HPSE2: variants seen among roughly 807,000 people sequenced by gnomAD.
HPSE2 encodes heparanase 2 (inactive).
A neutral mutation model predicts 60.5 loss-of-function variants in HPSE2; 38 were observed. The observed-to-expected ratio is 0.63, with a 90% confidence interval of 0.48 to 0.82. The LOEUF (loss-of-function observed/expected upper bound fraction) is 0.82. Among genes scored for constraint, HPSE2 ranks in the 40% least tolerant of loss-of-function variants. The probability of loss-of-function intolerance (pLI) is 0.00; values close to 1 mark genes in which losing one functional copy is unlikely to be tolerated. For synonymous variants in HPSE2, 295 were observed against 293.2 expected (o/e 1.01, Z -0.06); for missense variants, 713 against 740.4 (o/e 0.96, Z 0.43).
chr10:99,100,134 T>A (rs1159631369), intron 3 of HPSE2, among the ~76,000 whole-genome samples: 2 of 152,148 alleles, frequency 1.3e-5, no homozygotes, highest in Admixed American at 6.5e-5. Flanking sequence ...GGAACAAAGC[T>A]GGGTGGAGAA....
chr10:99,128,155 T>C (rs957142805), intron 3 of HPSE2, among the ~76,000 whole-genome samples: 4 of 152,304 alleles, frequency 2.6e-5, no homozygotes, highest in Non-Finnish European at 5.9e-5. Context: ...TCAATACTAA[T>C]GTTGAATGTA....
chr10:98,664,764 C>G (rs1947319100), intron 6 of HPSE2, among the ~76,000 whole-genome samples: 1 of 152,132 alleles, frequency 6.6e-6, no homozygotes, highest in South Asian at 2.1e-4. Context: ...AGCCTTTGCC[C>G]TCTGAAAGCA....
intron 2 of HPSE2, among the ~76,000 whole-genome samples, chr10:99,170,786 G>C (rs2796756): frequency 6.6e-6 from 1 of 152,092 alleles, no homozygotes; most frequent in Non-Finnish European, 1.5e-5. Context: ...TAAAAGGACT[G>C]AGTACAGTCC....
chr10:98,466,414 C>G (rs1940532744), intron 11 of HPSE2, among the ~76,000 whole-genome samples: 1 of 152,006 alleles, frequency 6.6e-6, no homozygotes, highest in Non-Finnish European at 1.5e-5. Flanking sequence ...GAGTTCGAGA[C>G]CAGCCTGGTC....
intron 3 of HPSE2, among the ~76,000 whole-genome samples, chr10:99,040,920 AC>A (rs1245938540): frequency 6.6e-6 from 1 of 151,894 alleles, no homozygotes; most frequent in Non-Finnish European, 1.5e-5. Context: ...CCCTGTCTCT[AC>A]GAAAAATACA....
the HPSE2 span, among the ~76,000 whole-genome samples, chr10:99,295,081 T>C: frequency 0.85 from 129,819 of 151,854 alleles, 55,841 homozygotes; most frequent in African/African-American, 0.92. Flanking sequence ...GAAATGAATT[T>C]AAGCTAAATA....
At chr10:98,929,217 T>C (rs1045241405) in intron 3 of HPSE2, among the ~76,000 whole-genome samples, 2 of 143,048 alleles carry the variant, frequency 1.4e-5, no homozygotes, top group Non-Finnish European at 3.0e-5. Flanking sequence ...ACTGTCAATA[T>C]GCCAGGCAAA....
At chr10:99,232,276 C>T (rs1363317143) in intron 2 of HPSE2, 72 bp downstream of exon 2, 1 of 1,492,388 alleles carries the variant, frequency 6.7e-7, no homozygotes, top group African/African-American at 1.4e-5. Flanking sequence ...GACACACGAA[C>T]ACACAGATAC....
At position 98,839,454 on chromosome 10, in the gene HPSE2, A is replaced by G. The variant is rs76669921; in HGVS notation, c.611-95398T>C. ...ATTCATCATTCATTCACTAAGTACA[A>G]GAGAACATCAACAATGTTTAAGACA... On this transcript the variant is annotated intron_variant, in intron 3 of 11. Transcript: ENST00000370552. Among the ~76,000 whole-genome samples the G allele has an allele frequency of 2.2e-4, 34 of 152,352 alleles. No individual in the cohort carries two copies. In the East Asian group the frequency reaches 6.0e-3, roughly 27 times the overall value.
At chr10:99,303,464 C>T in the HPSE2 span, among the ~76,000 whole-genome samples, 2 of 152,214 alleles carry the variant, frequency 1.3e-5, no homozygotes, top group East Asian at 3.9e-4. Flanking sequence ...AATAATTAAC[C>T]TCCCTGTTCG....
At chr10:98,965,966 C>A (rs1955804421) in intron 3 of HPSE2, among the ~76,000 whole-genome samples, 1 of 152,056 alleles carries the variant, frequency 6.6e-6, no homozygotes, top group Non-Finnish European at 1.5e-5. Context: ...TCTGGGCTCA[C>A]TGCAACCTCC....
At chr10:98,803,133 T>C (rs28887863) in intron 3 of HPSE2, among the ~76,000 whole-genome samples, 15 of 152,010 alleles carry the variant, frequency 9.9e-5, no homozygotes, top group Middle Eastern at 3.4e-3. Context: ...TGAGAAGTGT[T>C]TGTTCATGTC....
At chr10:99,140,701 G>A (rs1489540121) in intron 3 of HPSE2, among the ~76,000 whole-genome samples, 1 of 152,098 alleles carries the variant, frequency 6.6e-6, no homozygotes, top group Admixed American at 6.6e-5. Context: ...AACTGAATTC[G>A]AACCCATAAA....
intron 3 of HPSE2, among the ~76,000 whole-genome samples, chr10:98,757,201 A>G (rs1179296181): frequency 6.6e-6 from 1 of 152,196 alleles, no homozygotes; most frequent in Admixed American, 6.5e-5. Context: ...AGAGCCATCT[A>G]TGGCAAACCC....
At chr10:98,483,846 C>T (rs1444494044) in intron 10 of HPSE2, among the ~76,000 whole-genome samples, 14 of 152,142 alleles carry the variant, frequency 9.2e-5, no homozygotes, top group Admixed American at 1.3e-4. Flanking sequence ...TATTGAAAGC[C>T]TTGGAGATTT....
intron 6 of HPSE2, among the ~76,000 whole-genome samples, chr10:98,686,842 A>G (rs1349138448): frequency 1.3e-5 from 2 of 152,112 alleles, no homozygotes. Context: ...TTTACAGTTG[A>G]GCATATGGTC....
At chr10:99,072,688 G>C (rs1842831648) in intron 3 of HPSE2, among the ~76,000 whole-genome samples, 4 of 152,128 alleles carry the variant, frequency 2.6e-5, no homozygotes, top group Non-Finnish European at 5.9e-5. Flanking sequence ...CACTTTGGGA[G>C]GCCAAGGCGG....
intron 3 of HPSE2, among the ~76,000 whole-genome samples, chr10:99,094,538 ATATTTTTTTTTTTTTTTTTTTT>A (rs1843645985): frequency 4.4e-5 from 1 of 22,736 alleles, no homozygotes; most frequent in Non-Finnish European, 8.7e-5. Context: ...ATATATATAT[ATATTTTTTTTTTTTTTTTTTTT>A]TTTTTTTTTT....
chr10:98,483,872 T>C (rs1358851087), intron 10 of HPSE2, among the ~76,000 whole-genome samples: 2 of 152,218 alleles, frequency 1.3e-5, no homozygotes, highest in Non-Finnish European at 2.9e-5. Context: ...CTATTCATTA[T>C]TGCAGCATAA....
Sources: gnomAD v4.1 joint callset for allele counts (sites outside exome capture counted in the v4.1 genomes callset) on GRCh38, gnomAD v4.1.1 for gene constraint, MANE v1.5 for transcripts, NCBI Gene and HGNC (gene_info 2026-07-23, HGNC 2026-07-21) for gene names.